Variants in PSMA1 observed in about 807,000 individuals in gnomAD.
The protein encoded by PSMA1 is proteasome 20S subunit alpha 1.
In PSMA1, 3 loss-of-function variants were observed where a neutral mutation model predicts 38.4. The ratio of observed to expected loss-of-function variants is 0.08; its 90% CI spans 0.04 to 0.20. The LOEUF (loss-of-function observed/expected upper bound fraction) is 0.20. PSMA1 is among the 10% of genes least tolerant of loss of function. The pLI is 1.00. For synonymous variants in PSMA1, 101 were observed against 107.1 expected (o/e 0.94, Z 0.35); for missense variants, 227 against 325.3 (o/e 0.70, Z 2.32).
chr11:14,640,971 G>A (rs1012675278), intron 1 of PSMA1, among the ~76,000 whole-genome samples: 1 of 152,088 alleles, frequency 6.6e-6, no homozygotes, highest in African/African-American at 2.4e-5. Flanking sequence ...TTGGGAGCAG[G>A]GTGGTAACAG....
intron 2 of PSMA1, among the ~76,000 whole-genome samples, chr11:14,543,307 G>T (rs1016235744): frequency 6.6e-6 from 1 of 152,096 alleles, no homozygotes; most frequent in Non-Finnish European, 1.5e-5. Flanking sequence ...AATCCAGTCT[G>T]GACTACATAG....
chr11:14,629,193 T>C (rs1387641030), intron 1 of PSMA1, among the ~76,000 whole-genome samples: 1 of 152,246 alleles, frequency 6.6e-6, no homozygotes, highest in Non-Finnish European at 1.5e-5. Context: ...TTGTCAATTT[T>C]GGCTTCTGTT....
chr11:14,621,993 T>C (rs2133711597), intron 1 of PSMA1, among the ~76,000 whole-genome samples: 2 of 152,362 alleles, frequency 1.3e-5, no homozygotes, highest in Middle Eastern at 6.8e-3. Context: ...ATCAACCTGT[T>C]AGTAGGCATC....
chr11:14,542,418 A>C (rs1373711833), intron 2 of PSMA1, among the ~76,000 whole-genome samples: 9 of 152,274 alleles, frequency 5.9e-5, no homozygotes, highest in East Asian at 5.8e-4. Context: ...GGAAAAAAAA[A>C]CCCAACAACT....
upstream of PSMA1, chr11:14,520,796 T>A (rs1851516428): frequency 5.9e-6 from 1 of 169,884 alleles, no homozygotes; most frequent in Non-Finnish European, 1.3e-5. Context: ...GTGTGTCAGC[T>A]GTATTCTTCC....
At chr11:14,550,866 C>T (rs1181977309) in intron 2 of PSMA1, among the ~76,000 whole-genome samples, 1 of 152,124 alleles carries the variant, frequency 6.6e-6, no homozygotes, top group Non-Finnish European at 1.5e-5. Flanking sequence ...GAATTACCAT[C>T]AAGATTGCAT....
chr11:14,585,318 T>C (rs1589999938), intron 2 of PSMA1, among the ~76,000 whole-genome samples: 1 of 152,132 alleles, frequency 6.6e-6, no homozygotes, highest in Non-Finnish European at 1.5e-5. Flanking sequence ...ATTAAAAAAA[T>C]AAAACATAGA....
At chr11:14,532,604 C>CA (rs1426581772) in intron 2 of PSMA1, among the ~76,000 whole-genome samples, 902 of 86,990 alleles carry the variant, frequency 0.01, 12 homozygotes, top group African/African-American at 0.024. Context: ...GACTCCGTCT[C>CA]AAAAAAAAAA....
At chr11:14,641,155 T>C (rs540650220) in intron 1 of PSMA1, among the ~76,000 whole-genome samples, 20 of 151,280 alleles carry the variant, frequency 1.3e-4, no homozygotes, top group Non-Finnish European at 2.4e-4. Flanking sequence ...TCTGCACATG[T>C]ATCCCAGAAC....
intron 2 of PSMA1, among the ~76,000 whole-genome samples, chr11:14,527,420 T>A (rs1486103451): frequency 6.6e-6 from 1 of 152,154 alleles, no homozygotes; most frequent in Non-Finnish European, 1.5e-5. Flanking sequence ...CATAACCTCT[T>A]CCATGTAGGT....
At chr11:14,605,216 G>A (rs569249328) in intron 2 of PSMA1, among the ~76,000 whole-genome samples, 2 of 152,030 alleles carry the variant, frequency 1.3e-5, no homozygotes, top group African/African-American at 4.8e-5. Flanking sequence ...AACAGCTGTT[G>A]TTTTTTGACT....
chr11:14,598,600 A>G (rs940294928), intron 2 of PSMA1, among the ~76,000 whole-genome samples: 28 of 104,424 alleles, frequency 2.7e-4, no homozygotes, highest in African/African-American at 1.1e-3. Flanking sequence ...TGCTTGGTAG[A>G]TCTTCCTCCT....
intron 2 of PSMA1, among the ~76,000 whole-genome samples, chr11:14,575,960 T>C (rs560809041): frequency 0.018 from 2,704 of 152,320 alleles, 41 homozygotes; most frequent in Middle Eastern, 0.031. Flanking sequence ...TTCTAACTGG[T>C]GTGAGATGGT....
At chr11:14,643,232 C>G (rs1001356891) in intron 1 of PSMA1, among the ~76,000 whole-genome samples, 1 of 151,772 alleles carries the variant, frequency 6.6e-6, no homozygotes, top group Non-Finnish European at 1.5e-5. Context: ...CTAGCCACAG[C>G]GATTAGGGTT....
intron 5 of PSMA1, chr11:14,514,183 C>T (rs1851390157): frequency 1.5e-6 from 2 of 1,339,200 alleles, no homozygotes; most frequent in Non-Finnish European, 1.9e-6. Context: ...CTTTAAATCC[C>T]CTCTAAAAAG....
intron 2 of PSMA1, among the ~76,000 whole-genome samples, chr11:14,605,921 T>C (rs1264147711): frequency 6.6e-6 from 1 of 152,258 alleles, no homozygotes; most frequent in Non-Finnish European, 1.5e-5. Flanking sequence ...TTTGCTGTAA[T>C]TGCTTTTTAG....
At chr11:14,532,822 G>A (rs987728197) in intron 2 of PSMA1, among the ~76,000 whole-genome samples, 2 of 151,344 alleles carry the variant, frequency 1.3e-5, no homozygotes, top group African/African-American at 4.9e-5. Context: ...AACCAAGGAG[G>A]TGGAGGTTGC....
intron 1 of PSMA1, among the ~76,000 whole-genome samples, chr11:14,643,282 TCA>T (rs1418744658): frequency 2.0e-5 from 3 of 151,756 alleles, no homozygotes; most frequent in Admixed American, 2.0e-4. Flanking sequence ...CCTAAACTGG[TCA>T]CAGTCTGAAG....
At chr11:14,582,347 C>T (rs1484845654) in intron 2 of PSMA1, among the ~76,000 whole-genome samples, 2 of 152,072 alleles carry the variant, frequency 1.3e-5, no homozygotes, top group Non-Finnish European at 2.9e-5. Flanking sequence ...TCTCTCCCCA[C>T]CTAGAATACT....
Sources: gnomAD v4.1 joint callset for allele counts (sites outside exome capture counted in the v4.1 genomes callset) on GRCh38, gnomAD v4.1.1 for gene constraint, MANE v1.5 for transcripts, NCBI Gene and HGNC (gene_info 2026-07-23, HGNC 2026-07-21) for gene names.